TESMIN: variants seen among roughly 807,000 people sequenced by gnomAD.
The protein encoded by TESMIN is CXC domain containing 2.
TESMIN carries 34 observed loss-of-function variants against 47.4 expected under a neutral mutation model. The ratio of observed to expected loss-of-function variants is 0.72; its 90% CI spans 0.55 to 0.96. The LOEUF (loss-of-function observed/expected upper bound fraction) is 0.96, where lower values mean the gene tolerates loss of function less well. Among genes scored for constraint, TESMIN ranks in the 40% least tolerant of loss-of-function variants. TESMIN has a pLI of 0.00. For missense variants in TESMIN, 610 were observed against 637.2 expected (o/e 0.96, Z 0.46); for synonymous variants, 278 against 258.9 (o/e 1.07, Z -0.71).
In TESMIN at chr11:68,747,220, ATCTT is replaced by A; in HGVS notation, c.614_617del (p.Lys205IlefsTer6). On this transcript the variant is annotated frameshift_variant, in exon 3 of 10. Coordinates refer to ENST00000255087, the MANE Select transcript of TESMIN (RefSeq NM_004923.3). LOFTEE classifies it high-confidence loss of function. ...TTAGCATAATTACCATTGGGTTGGA[ATCTT>A]TCTTAAGAGAACAGCAGGAGGCATC... 6.2e-7 allele frequency: 1 copy of A among 1,614,150 alleles called. No homozygotes were observed. The highest frequency in any genetic ancestry group is 8.5e-7 in the Non-Finnish European group (1 of 1,179,976).
intron 7 of TESMIN, among the ~76,000 whole-genome samples, chr11:68,714,145 G>A (rs1946105961): frequency 6.6e-6 from 1 of 152,252 alleles, no homozygotes; most frequent in South Asian, 2.1e-4. Flanking sequence ...AGGTCACAGT[G>A]GAAGTCTGTG....
chr11:68,746,925 G>A (rs1946527737), intron 3 of TESMIN, among the ~76,000 whole-genome samples: 1 of 152,146 alleles, frequency 6.6e-6, no homozygotes, highest in East Asian at 1.9e-4. Flanking sequence ...TGCAGTCCCT[G>A]ACCCCAGCAC....
chr11:68,731,889 A>G (rs1946331297), intron 6 of TESMIN, among the ~76,000 whole-genome samples: 1 of 152,224 alleles, frequency 6.6e-6, no homozygotes, highest in East Asian at 1.9e-4. Context: ...TGATGGATTG[A>G]TTCCAGCCAA....
intron 5 of TESMIN, among the ~76,000 whole-genome samples, chr11:68,741,425 T>TG (rs79508772): frequency 0.089 from 13,526 of 152,282 alleles, 714 homozygotes; most frequent in Middle Eastern, 0.13. Context: ...TTTTTAAACC[T>TG]GCAACTAGGC....
At chr11:68,728,266 A>C in intron 6 of TESMIN, among the ~76,000 whole-genome samples, 1 of 152,268 alleles carries the variant, frequency 6.6e-6, no homozygotes, top group Non-Finnish European at 1.5e-5. Context: ...AATTATAAGA[A>C]AGCAAAACAC....
chr11:68,743,465 T>C (rs1594301989), intron 4 of TESMIN, among the ~76,000 whole-genome samples: 1 of 151,880 alleles, frequency 6.6e-6, no homozygotes, highest in African/African-American at 2.4e-5. Flanking sequence ...CCCAGGCTGG[T>C]CTTGAACTCC....
At chr11:68,745,486 G>C (rs1211771621) in intron 3 of TESMIN, among the ~76,000 whole-genome samples, 1 of 152,064 alleles carries the variant, frequency 6.6e-6, no homozygotes, top group Admixed American at 6.6e-5. Context: ...AGCAGAAGAG[G>C]GTGCTGCTCC....
chr11:68,711,619 G>T (rs150001010), intron 8 of TESMIN, among the ~76,000 whole-genome samples: 11 of 152,252 alleles, frequency 7.2e-5, no homozygotes, highest in African/African-American at 2.6e-4. Context: ...GACTTGTTTT[G>T]AAGAAAGCCT....
At chr11:68,720,199 C>T (rs1946189108) in intron 6 of TESMIN, among the ~76,000 whole-genome samples, 1 of 152,138 alleles carries the variant, frequency 6.6e-6, no homozygotes, top group Non-Finnish European at 1.5e-5. Flanking sequence ...AGGCACACTT[C>T]TTTTTTTCAC....
chr11:68,710,781 A>T, intron 9 of TESMIN, 93 bp downstream of exon 9: 1 of 1,264,164 alleles, frequency 7.9e-7, no homozygotes, highest in Non-Finnish European at 1.1e-6. Context: ...CTGCAGGCTC[A>T]CACATTCTTT....
intron 6 of TESMIN, among the ~76,000 whole-genome samples, chr11:68,731,118 T>C (rs918059282): frequency 1.3e-5 from 2 of 152,032 alleles, no homozygotes; most frequent in African/African-American, 4.8e-5. Context: ...GGTGTGGAGG[T>C]TCCCCCAGGA....
chr11:68,742,178 C>T lies in TESMIN; in HGVS notation c.828+140G>A, dbSNP rs149528627. The T allele has an allele frequency of 6.0e-4, 362 of 602,894 alleles. 3 individuals are homozygous for T. In the East Asian group the frequency reaches 8.8e-3, roughly 15 times the overall value. 37.3% of individuals were successfully genotyped at this position (602,894 alleles called of 1,614,324 possible). A position where few individuals can be genotyped will look rare whatever the true frequency, so the allele number is the denominator to read the frequency against. Reference sequence around the variant, plus strand: ...AGTGTCTGACACAGTGGGGCAGGGACTGAACACTTGGTAAGTATTTCACTT... The same window carrying T: ...AGTGTCTGACACAGTGGGGCAGGGATTGAACACTTGGTAAGTATTTCACTT... On this transcript the variant is annotated intron_variant, in intron 5 of 9. Coordinates refer to ENST00000255087, the MANE Select transcript of TESMIN (RefSeq NM_004923.3).
chr11:68,708,955 G>A (rs1946029896), intron 9 of TESMIN, among the ~76,000 whole-genome samples: 1 of 151,882 alleles, frequency 6.6e-6, no homozygotes, highest in Admixed American at 6.6e-5. Flanking sequence ...GTTTTGCCAT[G>A]TTGGCCAGGA....
chr11:68,739,144 G>A (rs938297814), intron 5 of TESMIN, among the ~76,000 whole-genome samples: 3 of 152,200 alleles, frequency 2.0e-5, no homozygotes, highest in Admixed American at 2.0e-4. Flanking sequence ...TAAATTTAAT[G>A]ACAAATTTCC....
Position 68,734,672 on chromosome 11 carries a change from C to A in TESMIN, c.917+4028G>T, listed in dbSNP as rs148046731. 1.2e-3 allele frequency among the ~76,000 whole-genome samples: 187 copies of A among 152,352 alleles called. 1 individual carries two copies. Among genetic ancestry groups the A allele is most frequent in the African/African-American group, 4.3e-3 (177 of 41,590 alleles). ...ACGCACTGGCCACTTCTGAGCAAGGCTGCATCTTAGTCTTGGGTTTTCCCC... is the reference window on the plus strand; with the variant it reads ...ACGCACTGGCCACTTCTGAGCAAGGATGCATCTTAGTCTTGGGTTTTCCCC... On this transcript the variant is annotated intron_variant, in intron 6 of 9. Transcript: ENST00000255087.
In TESMIN at chr11:68,750,601, C is replaced by A. The variant is rs372409098; in HGVS notation, c.60G>T (p.Glu20Asp). The change falls in exon 2 of 10, where the codon GAG becomes GAT. Residue 20 changes from glutamate to aspartate, a missense_variant. Transcript: ENST00000255087. ...CGAACGGACCCTCGGGGCTTAAGAG[C>A]TCCGTCACCATCGCATCCTCGGGGC... ...LPSPEDAMVT[E>D]LLSPEGPFAS... The A allele has an allele frequency of 1.9e-6, 3 of 1,601,248 alleles. No individual in the cohort carries two copies. The highest frequency in any genetic ancestry group is 1.7e-5 in the Admixed American group (1 of 59,102).
chr11:68,731,812 T>C (rs1946330531), intron 6 of TESMIN, among the ~76,000 whole-genome samples: 2 of 152,200 alleles, frequency 1.3e-5, no homozygotes, highest in East Asian at 3.8e-4. Flanking sequence ...AATTTACCTA[T>C]TCCTTAGCTT....
chr11:68,747,845 C>T (rs1196518465), intron 2 of TESMIN, among the ~76,000 whole-genome samples: 2 of 152,108 alleles, frequency 1.3e-5, no homozygotes, highest in East Asian at 1.9e-4. Context: ...TAACAACTGT[C>T]AACCCGATGA....
chr11:68,720,346 C>T (rs1397175278), intron 6 of TESMIN, among the ~76,000 whole-genome samples: 1 of 152,204 alleles, frequency 6.6e-6, no homozygotes, highest in Non-Finnish European at 1.5e-5. Flanking sequence ...ATTTCCCAAA[C>T]ATAATGAAAG....
Sources: allele counts gnomAD v4.1 joint callset (sites outside exome capture counted in the v4.1 genomes callset), GRCh38; gene constraint gnomAD v4.1.1; transcripts MANE v1.5; gene names NCBI Gene and HGNC (gene_info 2026-07-23, HGNC 2026-07-21).